Variants in PXT1 observed in about 807,000 individuals in gnomAD.
PXT1 encodes the protein peroxisomal testis enriched protein 1.
Under a neutral mutation model 11.0 loss-of-function variants are expected in PXT1, and 11 were observed. That is an observed-to-expected ratio of 1.00 (90% CI 0.63 to 1.66). The LOEUF (loss-of-function observed/expected upper bound fraction) is 1.66. PXT1 is among the 40% of genes most tolerant of loss of function. The pLI is 0.00. For synonymous variants in PXT1, 43 were observed against 51.4 expected, an observed-to-expected ratio of 0.84 and a Z score of 0.70; for missense variants, 141 against 155.5, an observed-to-expected ratio of 0.91 and a Z score of 0.49.
intron 2 of PXT1, among the ~76,000 whole-genome samples, chr6:36,430,717 G>A (rs1040649215): frequency 2.0e-5 from 3 of 152,200 alleles, no homozygotes; most frequent in African/African-American, 7.2e-5. Flanking sequence ...GTGGTCATTT[G>A]TTACAGCAAC....
In PXT1 at chr6:36,391,754, G is replaced by C. The variant is rs535759606; in HGVS notation, c.*16C>G. The C allele has an allele frequency of 1.3e-6, 2 of 1,536,476 alleles. No homozygotes were observed. Among genetic ancestry groups the C allele is most frequent in the Admixed American group, 3.3e-5 (2 of 59,744 alleles). On this transcript the variant is annotated 3_prime_UTR_variant, in exon 5 of 5. Transcript: ENST00000454782. ...AAAAGAAAACAGAACTTGACCACTTGACCTTTACTTTCCTTTTACAGCAAA... is the reference window on the plus strand; with the variant it reads ...AAAAGAAAACAGAACTTGACCACTTCACCTTTACTTTCCTTTTACAGCAAA...
intron 3 of PXT1, among the ~76,000 whole-genome samples, chr6:36,404,841 C>T (rs968082782): frequency 9.2e-5 from 14 of 151,970 alleles, no homozygotes; most frequent in African/African-American, 3.1e-4. Context: ...ACTTGTAATC[C>T]CAGCTACTAA....
intron 4 of PXT1, among the ~76,000 whole-genome samples, chr6:36,399,366 C>T (rs1774184846): frequency 6.6e-6 from 1 of 152,158 alleles, no homozygotes; most frequent in South Asian, 2.1e-4. Context: ...AGGATGGTCA[C>T]GAACTCCTGA....
In PXT1 at chr6:36,391,850, C is replaced by T. The variant is rs760932663; in HGVS notation, c.325G>A (p.Ala109Thr). The T allele has an allele frequency of 6.2e-7, 1 of 1,611,660 alleles. No individual in the cohort carries two copies. Among genetic ancestry groups the T allele is most frequent in the South Asian group, 1.1e-5 (1 of 90,974 alleles). The change falls in exon 5 of 5, where the codon GCA becomes ACA. Residue 109 changes from alanine to threonine, a missense_variant. Coordinates refer to ENST00000454782, the MANE Select transcript of PXT1 (RefSeq NM_152990.4). ...REDLQQDGRD[A>T]LDHFVFFFFR... ...AAAAAGAAGACAAAATGATCTAGTG[C>T]ATCTCTGCCATCCTGTTGAAGATCC...
At chr6:36,397,451 G>A (rs1317427474) in intron 4 of PXT1, among the ~76,000 whole-genome samples, 1 of 151,986 alleles carries the variant, frequency 6.6e-6, no homozygotes, top group Admixed American at 6.6e-5. Context: ...ATGGTGTTGG[G>A]ACAACAACCC....
intron 3 of PXT1, among the ~76,000 whole-genome samples, chr6:36,406,810 C>CA (rs5875547): frequency 2.4e-4 from 31 of 131,862 alleles, no homozygotes; most frequent in Admixed American, 4.7e-4. Context: ...GACTCCATTT[C>CA]AAAAAAAAAA....
intron 2 of PXT1, among the ~76,000 whole-genome samples, chr6:36,432,000 G>A (rs1482236315): frequency 6.6e-6 from 1 of 152,170 alleles, no homozygotes; most frequent in Non-Finnish European, 1.5e-5. Flanking sequence ...GAACCTGGGA[G>A]GCAGAGGTTG....
At chr6:36,435,217 T>C (rs1480799652) in intron 2 of PXT1, among the ~76,000 whole-genome samples, 2 of 152,148 alleles carry the variant, frequency 1.3e-5, no homozygotes, top group African/African-American at 4.8e-5. Context: ...GGAGGGAAGA[T>C]TGCTTCAGCC....
chr6:36,426,644 A>G (rs1157195124), intron 2 of PXT1, among the ~76,000 whole-genome samples: 1 of 152,190 alleles, frequency 6.6e-6, no homozygotes, highest in Non-Finnish European at 1.5e-5. Context: ...TGTTGGGATT[A>G]CAGGCGTGAG....
chr6:36,399,701 A>G (rs1774188681), intron 4 of PXT1, among the ~76,000 whole-genome samples: 1 of 152,182 alleles, frequency 6.6e-6, no homozygotes, highest in African/African-American at 2.4e-5. Context: ...CACAAAGCCC[A>G]TGTAATCATT....
chr6:36,402,546 G>A (rs958250302), intron 3 of PXT1, among the ~76,000 whole-genome samples: 9 of 152,206 alleles, frequency 5.9e-5, no homozygotes, highest in Admixed American at 2.0e-4. Context: ...CATCTGAAAC[G>A]AAGTAGGTGA....
intron 2 of PXT1, among the ~76,000 whole-genome samples, chr6:36,432,700 G>C (rs1343848935): frequency 6.6e-6 from 1 of 152,168 alleles, no homozygotes; most frequent in Non-Finnish European, 1.5e-5. Context: ...TTAAGAAGTA[G>C]TCAGGTCTCC....
chr6:36,440,972 T>C (rs1177616687), intron 1 of PXT1, among the ~76,000 whole-genome samples: 1 of 152,144 alleles, frequency 6.6e-6, no homozygotes, highest in Non-Finnish European at 1.5e-5. Flanking sequence ...GATTTTTGTA[T>C]ACCACAAATC....
intron 2 of PXT1, among the ~76,000 whole-genome samples, chr6:36,435,812 A>G (rs139975033): frequency 7.9e-4 from 120 of 152,308 alleles, no homozygotes; most frequent in Middle Eastern, 6.8e-3. Flanking sequence ...AAATCCTGAG[A>G]GAAAATGTTT....
chr6:36,433,637 A>G (rs145815995), intron 2 of PXT1, among the ~76,000 whole-genome samples: 2,583 of 151,778 alleles, frequency 0.017, 71 homozygotes, highest in African/African-American at 0.057. Flanking sequence ...GGCTAACATG[A>G]TGAAACCTGT....
chr6:36,410,891 G>C (rs554591742), intron 3 of PXT1, among the ~76,000 whole-genome samples: 2 of 152,318 alleles, frequency 1.3e-5, no homozygotes, highest in African/African-American at 4.8e-5. Context: ...AAGCCAGAAA[G>C]CTTGGATTCA....
chr6:36,421,314 A>G (rs1774522224), intron 3 of PXT1, among the ~76,000 whole-genome samples: 1 of 152,112 alleles, frequency 6.6e-6, no homozygotes. Flanking sequence ...ACAAAAAATT[A>G]GCTGGGCCTG....
intron 3 of PXT1, among the ~76,000 whole-genome samples, chr6:36,409,541 TCAGAC>T (rs1240004457): frequency 6.6e-6 from 1 of 151,988 alleles, no homozygotes; most frequent in Non-Finnish European, 1.5e-5. Flanking sequence ...AAAAGAGAAT[TCAGAC>T]CAGGTAAGGT....
At chr6:36,405,109 G>C (rs1385892402) in intron 3 of PXT1, among the ~76,000 whole-genome samples, 3 of 152,160 alleles carry the variant, frequency 2.0e-5, no homozygotes, top group Non-Finnish European at 4.4e-5. Flanking sequence ...AGGTGGAAAA[G>C]AGTGATATTG....
Sources: allele counts gnomAD v4.1 joint callset (sites outside exome capture counted in the v4.1 genomes callset), GRCh38; gene constraint gnomAD v4.1.1; transcripts MANE v1.5; gene names NCBI Gene and HGNC (gene_info 2026-07-23, HGNC 2026-07-21).